The following BCAS3 variants were observed in gnomAD, a reference collection of about 807,000 sequenced individuals.
BCAS3 encodes BCAS4/BCAS3 fusion.
Under a neutral mutation model 116.1 loss-of-function variants are expected in BCAS3, and 53 were observed. The ratio of observed to expected loss-of-function variants is 0.46; its 90% CI spans 0.37 to 0.57. The LOEUF (loss-of-function observed/expected upper bound fraction) is 0.57. BCAS3 is among the 20% of genes least tolerant of loss of function. The pLI is 0.00. For synonymous variants in BCAS3, 391 were observed against 408.2 expected, an observed-to-expected ratio of 0.96 and a Z score of 0.51; for missense variants, 917 against 1,165.4, an observed-to-expected ratio of 0.79 and a Z score of 3.10.
intron 22 of BCAS3, among the ~76,000 whole-genome samples, chr17:61,149,459 A>G (rs746014165): frequency 1.3e-5 from 2 of 152,228 alleles, no homozygotes; most frequent in African/African-American, 2.4e-5. Flanking sequence ...TGTAAAAAGT[A>G]TATCAGTGAG....
chr17:61,160,481 T>C (rs2078107614), intron 22 of BCAS3, among the ~76,000 whole-genome samples: 1 of 152,154 alleles, frequency 6.6e-6, no homozygotes, highest in East Asian at 1.9e-4. Context: ...CGCTCCTGCA[T>C]GGTATGCTTG....
intron 6 of BCAS3, among the ~76,000 whole-genome samples, chr17:60,798,073 C>A (rs1262647586): frequency 1.3e-5 from 2 of 152,232 alleles, no homozygotes; most frequent in Admixed American, 6.5e-5. Flanking sequence ...TTTCTGTATA[C>A]CCCTGACCCT....
intron 7 of BCAS3, among the ~76,000 whole-genome samples, chr17:60,820,023 G>A (rs2049790497): frequency 6.6e-6 from 1 of 152,110 alleles, no homozygotes; most frequent in African/African-American, 2.4e-5. Context: ...GGCCTCTGGT[G>A]GATGGATTTA....
chr17:61,088,661 C>T lies in BCAS3; in HGVS notation c.2425+4097C>T, dbSNP rs1455394016. ...ATACCTAATAGATAACCTTTCCTTG[C>T]TTCTGAGTCATCAAATCAAAGAGCC... On this transcript the variant is annotated intron_variant, in intron 22 of 23. Transcript: ENST00000407086. The surrounding 1 kb of genome is among the most constrained non-coding windows in gnomAD (Gnocchi z 4.2). Among the ~76,000 whole-genome samples, 1 of 152,184 alleles carries T rather than the reference C, an allele frequency of 6.6e-6. No individual in the cohort carries two copies. The highest frequency in any genetic ancestry group is 1.5e-5 in the Non-Finnish European group (1 of 68,032).
intron 5 of BCAS3, among the ~76,000 whole-genome samples, chr17:60,746,650 C>T (rs987680991): frequency 6.6e-6 from 1 of 151,944 alleles, no homozygotes; most frequent in Non-Finnish European, 1.5e-5. Context: ...CTTTTTTTAG[C>T]AGCTTTTCCT....
At chr17:60,856,084 A>G (rs1415486932) in intron 7 of BCAS3, among the ~76,000 whole-genome samples, 1 of 152,212 alleles carries the variant, frequency 6.6e-6, no homozygotes, top group Non-Finnish European at 1.5e-5. Flanking sequence ...CAAGAAGGCC[A>G]TGTCCGAGGT....
At chr17:60,780,149 C>A (rs1287752043) in intron 6 of BCAS3, among the ~76,000 whole-genome samples, 1 of 151,888 alleles carries the variant, frequency 6.6e-6, no homozygotes, top group African/African-American at 2.4e-5. Context: ...TGCCACCACA[C>A]CCAGCTAATT....
At chr17:60,975,497 A>G (rs2062279930) in intron 14 of BCAS3, among the ~76,000 whole-genome samples, 1 of 152,258 alleles carries the variant, frequency 6.6e-6, no homozygotes, top group African/African-American at 2.4e-5. Context: ...ACTTTCAGGA[A>G]ACTGGCTAGT....
chr17:61,036,336 AGTGACC>A (rs1423700250), intron 17 of BCAS3: 1 of 152,138 alleles, frequency 6.6e-6, no homozygotes, highest in Non-Finnish European at 1.5e-5. Flanking sequence ...ATCGCCTTTC[AGTGACC>A]CTTTACTTGG....
rs544817705 is a variant in BCAS3 at position 60,901,111 on chromosome 17, C to T, written c.739-1509C>T. ...CTGTAATCCCAGCTACTTGGGAGGC[C>T]GAGGCGGGAGAATTACCTGAACCCA... On this transcript the variant is annotated intron_variant, in intron 10 of 23. Coordinates refer to ENST00000407086, the MANE Select transcript of BCAS3 (RefSeq NM_017679.5). Among the ~76,000 whole-genome samples the T allele has an allele frequency of 5.9e-5, 9 of 151,606 alleles. No homozygotes were observed. The South Asian group carries it at 8.4e-4, about 14-fold the overall frequency.
intron 22 of BCAS3, among the ~76,000 whole-genome samples, chr17:61,116,099 G>C (rs192617151): frequency 8.1e-4 from 116 of 143,328 alleles, no homozygotes; most frequent in African/African-American, 2.8e-3. Flanking sequence ...GGTAGGGTAG[G>C]GGGAGGGGGG....
At chr17:61,216,076 T>C (rs566258717) in intron 22 of BCAS3, among the ~76,000 whole-genome samples, 10 of 152,370 alleles carry the variant, frequency 6.6e-5, no homozygotes, top group Admixed American at 6.5e-4. Flanking sequence ...ATAGATTTTA[T>C]TCCATACTAA....
At position 61,368,446 on chromosome 17, in the gene BCAS3, G is replaced by T; in HGVS notation, c.2545G>T (p.Asp849Tyr). ...GGAGGGCCTCCGGGAGCGACTTGCC[G>T]ACGCCATGGCCGAGTCACCTAGCCG... ...TEEGLRERLA[D>Y]AMAESPSRDV... Residue 849 changes from aspartate (D) to tyrosine (Y), a missense_variant, in exon 23 of 24, where the codon GAC becomes TAC. Transcript: ENST00000407086. The surrounding 1 kb of genome is among the most constrained non-coding windows in gnomAD (Gnocchi z 6.0). The T allele has an allele frequency of 1.2e-6, 2 of 1,612,236 alleles. No individual in the cohort carries two copies. Among genetic ancestry groups the T allele is most frequent in the Non-Finnish European group, 1.7e-6 (2 of 1,178,420 alleles).
chr17:60,800,497 A>T (rs2144588846), intron 6 of BCAS3, among the ~76,000 whole-genome samples: 1 of 152,226 alleles, frequency 6.6e-6, no homozygotes, highest in Admixed American at 6.5e-5. Flanking sequence ...GTCATTTGTC[A>T]GATATGTTTT....
chr17:61,093,333 T>C (rs1449998539), intron 22 of BCAS3, among the ~76,000 whole-genome samples: 1 of 152,214 alleles, frequency 6.6e-6, no homozygotes. Flanking sequence ...CTTATGCCTA[T>C]AATCCCACCT....
intron 4 of BCAS3, among the ~76,000 whole-genome samples, chr17:60,701,034 A>G (rs1467853673): frequency 6.6e-6 from 1 of 151,924 alleles, no homozygotes; most frequent in African/African-American, 2.4e-5. Flanking sequence ...ACTTGAGGTC[A>G]GGAGTTTGAG....
chr17:60,764,154 C>T (rs2043840063), intron 6 of BCAS3, among the ~76,000 whole-genome samples: 2 of 135,472 alleles, frequency 1.5e-5, no homozygotes, highest in Non-Finnish European at 3.0e-5. Context: ...ATCCTGGATT[C>T]ATTGATTTTT....
At chr17:60,867,121 T>G (rs2054667190) in intron 7 of BCAS3, among the ~76,000 whole-genome samples, 4 of 151,942 alleles carry the variant, frequency 2.6e-5, no homozygotes, top group South Asian at 2.1e-4. Flanking sequence ...TTTGTTTTTT[T>G]TTTTTGAGGC....
In BCAS3 at chr17:61,380,553, G is replaced by T. The variant is rs532496073; in HGVS notation, c.2594-11424G>T. The T allele has an allele frequency of 2.5e-6, 4 of 1,598,136 alleles. No homozygotes were observed. In the East Asian group the frequency reaches 6.7e-5, roughly 27 times the overall value. ...AAAAACCTTCCCCCCTGAGAGACAC[G>T]TGGCAGTGAAGTGTTTTGGTATGTA... On this transcript the variant is annotated intron_variant, in intron 23 of 23. Transcript: ENST00000407086. The surrounding 1 kb of genome is among the most constrained non-coding windows in gnomAD (Gnocchi z 4.2).
Sources: gnomAD v4.1 joint callset for allele counts (sites outside exome capture counted in the v4.1 genomes callset) on GRCh38, gnomAD v4.1.1 for gene constraint, Gnocchi (gnomAD v3.1) non-coding constraint, MANE v1.5 for transcripts, NCBI Gene and HGNC (gene_info 2026-07-23, HGNC 2026-07-21) for gene names.